Variants in TSPAN11 observed in about 807,000 individuals in gnomAD.
TSPAN11 encodes tetraspanin 11, also known as tetraspanin-11.
TSPAN11 carries 29 observed loss-of-function variants against 32.9 expected under a neutral mutation model. That is an observed-to-expected ratio of 0.88 (90% confidence interval 0.66 to 1.20). The LOEUF (loss-of-function observed/expected upper bound fraction) is 1.20. Among genes scored for constraint, TSPAN11 ranks in the 50% most tolerant of loss-of-function variants. TSPAN11 has a pLI of 0.00. For missense variants in TSPAN11, 283 were observed against 329.1 expected (o/e 0.86, Z 1.08); for synonymous variants, 140 against 141.3 (o/e 0.99, Z 0.07).
At chr12:30,985,543 G>A (rs1175377097) in intron 7 of TSPAN11, among the ~76,000 whole-genome samples, 1 of 152,116 alleles carries the variant, frequency 6.6e-6, no homozygotes, top group Non-Finnish European at 1.5e-5. Context: ...GAACCCCAGA[G>A]GAGTAGTCAG....
chr12:30,968,527 T>G (rs1055696518), intron 3 of TSPAN11, among the ~76,000 whole-genome samples: 5 of 152,354 alleles, frequency 3.3e-5, no homozygotes, highest in Admixed American at 6.5e-5. Flanking sequence ...CAGATCTTTT[T>G]TAGCAAAGCC....
At chr12:31,007,911 G>A in the TSPAN11 span, among the ~76,000 whole-genome samples, 3 of 152,000 alleles carry the variant, frequency 2.0e-5, no homozygotes, top group East Asian at 3.9e-4. Context: ...CCATAGAGGC[G>A]GGGGCCAGGG....
At chr12:30,939,665 C>T (rs1273424163) in intron 1 of TSPAN11, among the ~76,000 whole-genome samples, 1 of 152,130 alleles carries the variant, frequency 6.6e-6, no homozygotes, top group African/African-American at 2.4e-5. Flanking sequence ...TGGGCTTTCC[C>T]GGGCTCTGCT....
Position 30,992,405 on chromosome 12 carries a change from C to A in TSPAN11, c.*490C>A. 1 of 195,432 alleles carries A rather than the reference C, an allele frequency of 5.1e-6. No individual in the cohort carries two copies. Among genetic ancestry groups the A allele is most frequent in the Middle Eastern group, 2.3e-3 (1 of 430 alleles). The allele number at this position is 195,432 out of a possible 1,614,324, so 12.1% of individuals were successfully genotyped here. ...GAGGGCTGGCATTTCCCCCAGAAGA[C>A]CTTGCCCTTTGACCTGCCCACTCTC... On this transcript the variant is annotated 3_prime_UTR_variant, in exon 8 of 8. Coordinates refer to ENST00000546076, the MANE Select transcript of TSPAN11 (RefSeq NM_001370302.1).
intron 1 of TSPAN11, among the ~76,000 whole-genome samples, chr12:30,930,979 G>C (rs1480780554): frequency 6.6e-6 from 1 of 152,190 alleles, no homozygotes; most frequent in Non-Finnish European, 1.5e-5. Context: ...AAGGATTTTT[G>C]CTGTAAAATA....
At chr12:30,981,123 G>GT (rs1024291091) in intron 5 of TSPAN11, among the ~76,000 whole-genome samples, 49 of 152,188 alleles carry the variant, frequency 3.2e-4, no homozygotes, top group African/African-American at 1.1e-3. Context: ...AGCGAAGGCT[G>GT]TGTCACTGAC....
At chr12:30,941,702 C>A (rs1183888738) in intron 1 of TSPAN11, among the ~76,000 whole-genome samples, 1 of 152,234 alleles carries the variant, frequency 6.6e-6, no homozygotes, top group Non-Finnish European at 1.5e-5. Flanking sequence ...GACTTGATGA[C>A]CTCACTAGCC....
chr12:30,974,959 G>A (rs1398271618), intron 3 of TSPAN11, among the ~76,000 whole-genome samples: 1 of 152,224 alleles, frequency 6.6e-6, no homozygotes, highest in African/African-American at 2.4e-5. Flanking sequence ...CCTGCCCAAG[G>A]ATAGCCTGGT....
downstream of TSPAN11, among the ~76,000 whole-genome samples, chr12:31,000,699 A>C (rs1354447386): frequency 6.6e-6 from 1 of 152,180 alleles, no homozygotes; most frequent in Non-Finnish European, 1.5e-5. Context: ...GACGGCTGAT[A>C]AGATAGTTTT....
At chr12:30,990,106 G>C (rs1289093140) in intron 7 of TSPAN11, among the ~76,000 whole-genome samples, 3 of 152,136 alleles carry the variant, frequency 2.0e-5, no homozygotes, top group African/African-American at 4.8e-5. Flanking sequence ...GTGGCATCCT[G>C]TACCCTCCAC....
chr12:30,953,207 A>G (rs981817845), intron 1 of TSPAN11, among the ~76,000 whole-genome samples: 1 of 152,196 alleles, frequency 6.6e-6, no homozygotes, highest in Non-Finnish European at 1.5e-5. Flanking sequence ...AACACTTATT[A>G]CATGCCAAGG....
At chr12:30,980,595 G>A (rs569510481) in intron 5 of TSPAN11, among the ~76,000 whole-genome samples, 31 of 147,606 alleles carry the variant, frequency 2.1e-4, no homozygotes, top group African/African-American at 5.4e-4. Flanking sequence ...GCTCCGGAAC[G>A]TCAGGCAAGT....
At position 30,959,956 on chromosome 12, in the gene TSPAN11, G is replaced by A. The variant is rs917606455; in HGVS notation, c.85-3870G>A. Among the ~76,000 whole-genome samples the A allele has an allele frequency of 3.3e-5, 5 of 149,916 alleles. No homozygotes were observed. The South Asian group carries it at 6.3e-4, about 19-fold the overall frequency. On this transcript the variant is annotated intron_variant, in intron 2 of 7. Transcript: ENST00000546076. ...CTTCTCAGCCGGGGGTGCCTTGGGG[G>A]ATCAGCCTGTGGGCGGAACAGGAGC...
At chr12:31,004,368 G>A in the TSPAN11 span, among the ~76,000 whole-genome samples, 1 of 152,088 alleles carries the variant, frequency 6.6e-6, no homozygotes, top group Non-Finnish European at 1.5e-5. Context: ...TGGGCTTTCT[G>A]TATTTCTTCT....
intron 1 of TSPAN11, among the ~76,000 whole-genome samples, chr12:30,929,175 A>G (rs1937865690): frequency 6.6e-6 from 1 of 152,148 alleles, no homozygotes; most frequent in Non-Finnish European, 1.5e-5. Context: ...TCTCTCACTA[A>G]AATAAAACTA....
At chr12:31,007,012 G>A in the TSPAN11 span, among the ~76,000 whole-genome samples, 7 of 152,142 alleles carry the variant, frequency 4.6e-5, no homozygotes, top group African/African-American at 1.7e-4. Context: ...GCCCATAGCC[G>A]TTCATAGCTG....
At chr12:30,935,882 A>G (rs1293660686) in intron 1 of TSPAN11, among the ~76,000 whole-genome samples, 2 of 152,180 alleles carry the variant, frequency 1.3e-5, no homozygotes, top group East Asian at 3.9e-4. Context: ...CCTAGGTGAC[A>G]TGGTCTCTGC....
In TSPAN11 at chr12:30,934,632, A is replaced by ATTT. The variant is rs36120080; in HGVS notation, c.-12+7849_-12+7851dup. Reference sequence around the variant, plus strand: ...ATTCGGAAACTTAAAATATTATGAGATTTTTTTTTTTTTTTGCAATTTTTT... The same window carrying ATTT: ...ATTCGGAAACTTAAAATATTATGAGATTTTTTTTTTTTTTTTTTGCAATTTTTT... On this transcript the variant is annotated intron_variant, in intron 1 of 7. Coordinates refer to ENST00000546076, the MANE Select transcript of TSPAN11 (RefSeq NM_001370302.1). Among the ~76,000 whole-genome samples, 7 of 138,086 alleles carry ATTT rather than the reference A, an allele frequency of 5.1e-5. No individual in the cohort carries two copies. In the East Asian group the frequency reaches 1.5e-3, roughly 29 times the overall value. The allele number at this position is 138,086 out of a possible 152,430, so 90.6% of individuals were successfully genotyped here.
intron 5 of TSPAN11, among the ~76,000 whole-genome samples, chr12:30,980,623 G>A (rs1222864691): frequency 6.6e-6 from 1 of 151,986 alleles, no homozygotes; most frequent in Non-Finnish European, 1.5e-5. Flanking sequence ...GTAGATGTGG[G>A]GAGCTGTGAG....
Sources: allele counts gnomAD v4.1 joint callset (sites outside exome capture counted in the v4.1 genomes callset), GRCh38; gene constraint gnomAD v4.1.1; transcripts MANE v1.5; gene names NCBI Gene and HGNC (gene_info 2026-07-23, HGNC 2026-07-21).